PDE4D: variants seen among roughly 807,000 people sequenced by gnomAD.
PDE4D encodes the protein 3',5'-cyclic-AMP phosphodiesterase 4D.
In PDE4D, 24 loss-of-function variants were observed where a neutral mutation model predicts 87.4. The ratio of observed to expected loss-of-function variants is 0.27; its 90% confidence interval spans 0.20 to 0.39. PDE4D has a LOEUF of 0.39. Ranked by LOEUF, PDE4D falls within the 10% of genes least tolerant of loss-of-function variation. The pLI, the probability that PDE4D is intolerant of heterozygous loss-of-function variation, is 1.00. For missense variants in PDE4D, 714 were observed against 1,041.0 expected, an observed-to-expected ratio of 0.69 and a Z score of 4.32; for synonymous variants, 384 against 383.2, an observed-to-expected ratio of 1.00 and a Z score of -0.02.
chr5:59,947,646 T>G (rs1757862376), intron 3 of PDE4D, among the ~76,000 whole-genome samples: 1 of 152,184 alleles, frequency 6.6e-6, no homozygotes, highest in African/African-American at 2.4e-5. Context: ...TAGAGAGGAA[T>G]TTATATTTTT....
At chr5:60,238,759 T>C (rs1398732563) in intron 1 of PDE4D, among the ~76,000 whole-genome samples, 3 of 152,078 alleles carry the variant, frequency 2.0e-5, no homozygotes, top group Admixed American at 6.6e-5. Context: ...TTTTTGTTGG[T>C]TGTATATACT....
intron 1 of PDE4D, among the ~76,000 whole-genome samples, chr5:60,424,449 A>G (rs78728462): frequency 6.6e-6 from 1 of 152,240 alleles, no homozygotes; most frequent in East Asian, 1.9e-4. Context: ...TTATCTCAAT[A>G]GATGCAGAAA....
intron 1 of PDE4D, among the ~76,000 whole-genome samples, chr5:59,650,732 T>C (rs1743316163): frequency 6.6e-6 from 1 of 152,182 alleles, no homozygotes; most frequent in Non-Finnish European, 1.5e-5. Context: ...AAAAGATCAC[T>C]ACTTAATAAG....
chr5:58,990,822 G>A lies in PDE4D; in HGVS notation c.1269C>T (p.Ile423=). The A allele has an allele frequency of 3.1e-6, 5 of 1,589,294 alleles. No homozygotes were observed. Among genetic ancestry groups the A allele is most frequent in the Non-Finnish European group, 4.3e-6 (5 of 1,163,496 alleles). The change falls in exon 9 of 15, where the codon ATC becomes ATT. Residue 423 remains isoleucine (I), a synonymous_variant. Coordinates refer to ENST00000340635, the MANE Select transcript of PDE4D (RefSeq NM_001104631.2). The part of the protein sequence containing the change: ...ELSGNRPLTV[I]MHTIFQERDL... Reference sequence around the variant, plus strand: ...ACCTTACCTGAAAAATGGTGTGCATGATAACAGTCAAGGGCCGGTTACCAG... The same window carrying A: ...ACCTTACCTGAAAAATGGTGTGCATAATAACAGTCAAGGGCCGGTTACCAG...
At chr5:59,464,111 G>C (rs1321923420) in intron 1 of PDE4D, among the ~76,000 whole-genome samples, 1 of 152,188 alleles carries the variant, frequency 6.6e-6, no homozygotes, top group Non-Finnish European at 1.5e-5. Context: ...GCCTAGGAAA[G>C]CCAGGTATTG....
At chr5:59,486,530 T>C (rs938949649) in intron 1 of PDE4D, among the ~76,000 whole-genome samples, 3 of 152,210 alleles carry the variant, frequency 2.0e-5, no homozygotes, top group Non-Finnish European at 2.9e-5. Context: ...ATGTGCCCTA[T>C]TGCATGCTTT....
chr5:58,982,904 G>A (rs1456988794), intron 11 of PDE4D, among the ~76,000 whole-genome samples: 1 of 152,152 alleles, frequency 6.6e-6, no homozygotes, highest in Non-Finnish European at 1.5e-5. Flanking sequence ...TCACACTTTG[G>A]TGAGCATTCC....
At chr5:59,809,506 C>T (rs1462720051) in intron 1 of PDE4D, among the ~76,000 whole-genome samples, 1 of 152,104 alleles carries the variant, frequency 6.6e-6, no homozygotes, top group Non-Finnish European at 1.5e-5. Flanking sequence ...CCATTTGGTA[C>T]ATTTATGTAC....
At chr5:59,819,094 G>C (rs1378020483) in intron 1 of PDE4D, among the ~76,000 whole-genome samples, 1 of 152,048 alleles carries the variant, frequency 6.6e-6, no homozygotes, top group East Asian at 1.9e-4. Context: ...GAAGTTACTT[G>C]GTATAAAGTT....
At chr5:58,993,495 T>C (rs1191820364) in intron 6 of PDE4D, 30 bp from the exon 7 acceptor site, 1 of 1,403,370 alleles carries the variant, frequency 7.1e-7, no homozygotes, top group Non-Finnish European at 9.9e-7. Flanking sequence ...AATGAAATAA[T>C]AGAAGAGGAA....
intron 1 of PDE4D, among the ~76,000 whole-genome samples, chr5:60,198,232 T>C (rs1464001549): frequency 6.6e-6 from 1 of 151,410 alleles, no homozygotes; most frequent in African/African-American, 2.4e-5. Context: ...ATAAACTCCT[T>C]CAATGTAGTG....
intron 1 of PDE4D, among the ~76,000 whole-genome samples, chr5:59,667,871 C>T (rs1746340641): frequency 6.6e-6 from 1 of 152,218 alleles, no homozygotes; most frequent in South Asian, 2.1e-4. Context: ...CCATCAACAT[C>T]TGCCTGCTAA....
chr5:60,469,593 C>A (rs1353033699), intron 1 of PDE4D, among the ~76,000 whole-genome samples: 4 of 152,172 alleles, frequency 2.6e-5, no homozygotes, highest in Admixed American at 2.0e-4. Context: ...TCTATCAGCA[C>A]CATTTTTCCA....
At chr5:59,074,943 T>C (rs936279909) in intron 5 of PDE4D, among the ~76,000 whole-genome samples, 4 of 152,102 alleles carry the variant, frequency 2.6e-5, no homozygotes, top group Admixed American at 6.5e-5. Context: ...TCACTATTAA[T>C]AGAGATTATT....
chr5:59,949,602 C>A (rs775961525), intron 3 of PDE4D, among the ~76,000 whole-genome samples: 23 of 152,048 alleles, frequency 1.5e-4, no homozygotes, highest in Non-Finnish European at 3.4e-4. Context: ...CCTCTATGAC[C>A]AAGTGGGCCT....
chr5:60,082,423 A>C (rs965068856), intron 2 of PDE4D, among the ~76,000 whole-genome samples: 1 of 152,176 alleles, frequency 6.6e-6, no homozygotes, highest in Non-Finnish European at 1.5e-5. Context: ...ACTGTGAGAT[A>C]AATGTTTGTT....
intron 1 of PDE4D, among the ~76,000 whole-genome samples, chr5:60,263,914 AAAT>A (rs1248066460): frequency 1.1e-4 from 17 of 152,140 alleles, no homozygotes; most frequent in Admixed American, 1.0e-3. Flanking sequence ...AACTAAATAA[AAAT>A]AATATCACTA....
At chr5:59,607,897 T>G (rs1828436090) in intron 1 of PDE4D, among the ~76,000 whole-genome samples, 1 of 152,134 alleles carries the variant, frequency 6.6e-6, no homozygotes, top group South Asian at 2.1e-4. Context: ...GAAGCTGATT[T>G]GAGGATTTCC....
chr5:59,745,757 G>T (rs1238382379), intron 1 of PDE4D, among the ~76,000 whole-genome samples: 1 of 151,694 alleles, frequency 6.6e-6, no homozygotes, highest in Non-Finnish European at 1.5e-5. Flanking sequence ...CAAAAAAAAA[G>T]AAAGAAAGAA....
Sources: gnomAD v4.1 joint callset for allele counts (sites outside exome capture counted in the v4.1 genomes callset) on GRCh38, gnomAD v4.1.1 for gene constraint, MANE v1.5 for transcripts, NCBI Gene and HGNC (gene_info 2026-07-23, HGNC 2026-07-21) for gene names.